Variants in SAR1B observed in about 807,000 individuals in gnomAD.
The protein encoded by SAR1B is secretion associated Ras related GTPase 1B, also known as small COPII coat GTPase SAR1B.
SAR1B carries 23 observed loss-of-function variants against 26.8 expected under a neutral mutation model. The observed-to-expected ratio is 0.86, with a 90% confidence interval of 0.62 to 1.22. The LOEUF (loss-of-function observed/expected upper bound fraction) is 1.22. SAR1B is among the 50% of genes most tolerant of loss of function. The pLI, the probability that SAR1B is intolerant of heterozygous loss-of-function variation, is 0.00. For synonymous variants in SAR1B, 65 were observed against 80.8 expected, an observed-to-expected ratio of 0.80 and a Z score of 1.05; for missense variants, 196 against 232.8, an observed-to-expected ratio of 0.84 and a Z score of 1.03.
chr5:134,622,479 C>T (rs1380553414), intron 2 of SAR1B, among the ~76,000 whole-genome samples: 4 of 147,466 alleles, frequency 2.7e-5, no homozygotes, highest in Admixed American at 6.9e-5. Context: ...GGCATGATCT[C>T]GGCTCACTAC....
rs574099647 is a variant in SAR1B, at chr5:134,609,056, G to A, written c.348+515C>T. The stretch of plus-strand genomic sequence containing the variant: ...TATGATCAACCTTCAATCAAATCAT[G>A]GACCTGCTTACTCTGTGGCCCCAGA... On this transcript the variant is annotated intron_variant, in intron 5 of 6. Transcript: ENST00000402673. 9.2e-5 allele frequency: 42 copies of A among 456,370 alleles called. No homozygotes were observed. The Middle Eastern group carries it at 2.3e-3, about 25-fold the overall frequency. The allele number at this position is 456,370 out of a possible 1,614,324, so 28.3% of individuals were successfully genotyped here.
intron 4 of SAR1B, 67 bp downstream of exon 4, chr5:134,612,624 G>C: frequency 8.4e-7 from 1 of 1,190,032 alleles, no homozygotes; most frequent in East Asian, 5.1e-5. Context: ...CAGCCTGGGA[G>C]ACAGAGTGAG....
intron 1 of SAR1B, among the ~76,000 whole-genome samples, chr5:134,630,700 T>A (rs111322716): frequency 1.3e-5 from 2 of 149,682 alleles, no homozygotes; most frequent in African/African-American, 4.9e-5. Flanking sequence ...GGAGAATCAC[T>A]TGAACCCTGG....
chr5:134,616,709 C>T (rs552873981), intron 3 of SAR1B, among the ~76,000 whole-genome samples: 1 of 152,190 alleles, frequency 6.6e-6, no homozygotes, highest in Non-Finnish European at 1.5e-5. Flanking sequence ...CCGGAAGCAA[C>T]CACTGATCTG....
chr5:134,615,323 G>A (rs994480479), intron 3 of SAR1B, among the ~76,000 whole-genome samples: 1 of 151,232 alleles, frequency 6.6e-6, no homozygotes, highest in Non-Finnish European at 1.5e-5. Flanking sequence ...ACTCCAGCCT[G>A]GGGAACAGAG....
At chr5:134,611,947 G>A (rs1765221499) in intron 4 of SAR1B, among the ~76,000 whole-genome samples, 1 of 152,168 alleles carries the variant, frequency 6.6e-6, no homozygotes, top group Non-Finnish European at 1.5e-5. Context: ...AGGATTGCTT[G>A]AGCCCAGGAG....
intron 1 of SAR1B, among the ~76,000 whole-genome samples, chr5:134,628,591 G>C (rs1004015548): frequency 3.9e-5 from 6 of 151,992 alleles, no homozygotes; most frequent in African/African-American, 1.4e-4. Context: ...GAAGGCAGGA[G>C]GATCACCTGA....
chr5:134,626,114 C>T (rs1326962299), intron 1 of SAR1B, among the ~76,000 whole-genome samples: 1 of 151,632 alleles, frequency 6.6e-6, no homozygotes, highest in African/African-American at 2.4e-5. Context: ...GCCTGGCCAA[C>T]GTGGCAAAAC....
At chr5:134,621,480 AAATAAAT>A (rs1765406654) in intron 2 of SAR1B, among the ~76,000 whole-genome samples, 2 of 148 alleles carry the variant, frequency 0.014, no homozygotes, top group Non-Finnish European at 0.056. Context: ...CTCAAAAAAT[AAATAAAT>A]AAATAAATAA....
Position 134,601,550 on chromosome 5 carries a change from G to A in SAR1B, c.*5400C>T, listed in dbSNP as rs1033149656. ...TAACTTGACTATGTTCACCCTGAGT[G>A]CTCTTGCCTCAGTATGGCAACTGAT... is the stretch of plus-strand genomic sequence containing the variant. On this transcript the variant is annotated 3_prime_UTR_variant, in exon 7 of 7. Coordinates refer to ENST00000402673, the MANE Select transcript of SAR1B (RefSeq NM_016103.4). 5.3e-5 allele frequency: 8 copies of A among 152,178 alleles called. No homozygotes were observed. The highest frequency in any genetic ancestry group is 1.9e-4 in the African/African-American group (8 of 41,442). The allele number at this position is 152,178 out of a possible 1,614,324, so 9.4% of individuals were successfully genotyped here.
chr5:134,630,778 CAAA>C (rs772159748), intron 1 of SAR1B, among the ~76,000 whole-genome samples: 1 of 59,256 alleles, frequency 1.7e-5, no homozygotes, highest in Non-Finnish European at 3.4e-5. Flanking sequence ...GACTCCGTCT[CAAA>C]AAAAAAAAAA....
chr5:134,617,413 T>C (rs1316857192), intron 3 of SAR1B, among the ~76,000 whole-genome samples: 1 of 152,190 alleles, frequency 6.6e-6, no homozygotes. Context: ...TCAAAAATGT[T>C]TTCTTTTCCA....
In SAR1B at chr5:134,621,027, C is replaced by T; in HGVS notation, c.84G>A (p.Leu28=). ...CTGCATTATCCAATCCAAGAAATAC[C>T]AGTTTACCAGTTTTCTTATATAATC... The part of the protein sequence containing the change: ...FLGLYKKTGK[L]VFLGLDNAGK... Residue 28 remains leucine, a synonymous_variant, in exon 3 of 7, where the codon CTG becomes CTA. Transcript: ENST00000402673. The T allele has an allele frequency of 6.2e-7, 1 of 1,612,966 alleles. No homozygotes were observed. Among genetic ancestry groups the T allele is most frequent in the East Asian group, 2.2e-5 (1 of 44,878 alleles).
At chr5:134,617,631 C>A (rs1765335507) in intron 3 of SAR1B, among the ~76,000 whole-genome samples, 1 of 152,134 alleles carries the variant, frequency 6.6e-6, no homozygotes, top group Admixed American at 6.6e-5. Context: ...ATATTTAAGA[C>A]CACTCTGTAG....
intron 2 of SAR1B, among the ~76,000 whole-genome samples, chr5:134,622,433 C>T (rs1274933519): frequency 2.2e-5 from 3 of 134,330 alleles, no homozygotes; most frequent in South Asian, 4.6e-4. Flanking sequence ...TTTTTTGAGA[C>T]GGAGTCTCGC....
At chr5:134,620,451 G>A (rs1416459024) in intron 3 of SAR1B, among the ~76,000 whole-genome samples, 1 of 152,182 alleles carries the variant, frequency 6.6e-6, no homozygotes, top group Non-Finnish European at 1.5e-5. Flanking sequence ...AAAAAGGTAT[G>A]AGTACTAATT....
chr5:134,624,946 A>G (rs1283421669), intron 1 of SAR1B, among the ~76,000 whole-genome samples: 1 of 152,192 alleles, frequency 6.6e-6, no homozygotes, highest in South Asian at 2.1e-4. Context: ...TTTCCTTCTC[A>G]AAAAGGGTGA....
At chr5:134,621,893 C>T (rs572025851) in intron 2 of SAR1B, among the ~76,000 whole-genome samples, 24 of 152,278 alleles carry the variant, frequency 1.6e-4, no homozygotes, top group Non-Finnish European at 2.6e-4. Flanking sequence ...TGCACCACCA[C>T]GCCTGACTAA....
chr5:134,631,860 T>TG (rs1190925711), intron 1 of SAR1B: 1 of 151,828 alleles, frequency 6.6e-6, no homozygotes, highest in Non-Finnish European at 1.5e-5. Context: ...GGTCAGGAGT[T>TG]GGAGACCAGA....
Sources: allele counts gnomAD v4.1 joint callset (sites outside exome capture counted in the v4.1 genomes callset), GRCh38; gene constraint gnomAD v4.1.1; transcripts MANE v1.5; gene names NCBI Gene and HGNC (gene_info 2026-07-23, HGNC 2026-07-21).